Variants in NEMP2 observed in about 807,000 individuals in gnomAD.
NEMP2 encodes the protein UPF0571 transmembrane protein.
A neutral mutation model predicts 54.2 loss-of-function variants in NEMP2; 53 were observed. The ratio of observed to expected loss-of-function variants is 0.98; its 90% CI spans 0.78 to 1.23. The LOEUF is 1.23. Ranked by LOEUF, NEMP2 falls within the 50% of genes most tolerant of loss-of-function variation. The pLI is 0.00. For synonymous variants in NEMP2, 197 were observed against 190.3 expected, an observed-to-expected ratio of 1.04 and a Z score of -0.29; for missense variants, 455 against 511.3, an observed-to-expected ratio of 0.89 and a Z score of 1.06.
At chr2:190,546,240 A>T in the NEMP2 span, among the ~76,000 whole-genome samples, 1 of 152,192 alleles carries the variant, frequency 6.6e-6, no homozygotes, top group South Asian at 2.1e-4. This position sits in a 1 kb window ranked among gnomAD's most constrained non-coding sequence, Gnocchi z 5.1. Context: ...AAAAGAAAAG[A>T]TGGCTGCATC....
chr2:190,457,400 T>C, the NEMP2 span, among the ~76,000 whole-genome samples: 14 of 152,324 alleles, frequency 9.2e-5, no homozygotes, highest in Middle Eastern at 3.4e-3. The surrounding 1 kb of genome is among the most constrained non-coding windows in gnomAD (Gnocchi z 5.1). Flanking sequence ...ACCCCACTTC[T>C]TCCTGTTGGC....
the NEMP2 span, among the ~76,000 whole-genome samples, chr2:190,479,633 G>A: frequency 2.0e-5 from 3 of 152,182 alleles, no homozygotes; most frequent in South Asian, 6.2e-4. Context: ...AAAACTCAGA[G>A]ATGAGTGTTA....
chr2:190,464,441 T>C, the NEMP2 span, among the ~76,000 whole-genome samples: 1 of 152,206 alleles, frequency 6.6e-6, no homozygotes, highest in Non-Finnish European at 1.5e-5. Context: ...GCTCACACCC[T>C]GTGTTGTTTC....
chr2:190,568,771 G>A, the NEMP2 span, among the ~76,000 whole-genome samples: 7 of 152,104 alleles, frequency 4.6e-5, no homozygotes, highest in African/African-American at 1.4e-4. This position sits in a 1 kb window ranked among gnomAD's most constrained non-coding sequence, Gnocchi z 4.7. Flanking sequence ...GCTGTGAGCC[G>A]AGATTGCGCC....
chr2:190,447,571 A>G, the NEMP2 span, among the ~76,000 whole-genome samples: 37 of 152,326 alleles, frequency 2.4e-4, no homozygotes, highest in East Asian at 2.9e-3. This position sits in a 1 kb window ranked among gnomAD's most constrained non-coding sequence, Gnocchi z 4.5. Flanking sequence ...TTGCTTATAT[A>G]CTTCTTAGTG....
upstream of NEMP2, among the ~76,000 whole-genome samples, chr2:190,537,519 T>C (rs1193683604): frequency 6.6e-6 from 1 of 152,204 alleles, no homozygotes; most frequent in East Asian, 1.9e-4. Context: ...CCTTCCACCA[T>C]GATTGTAAGT....
At chr2:190,424,238 T>C in the NEMP2 span, among the ~76,000 whole-genome samples, 8 of 151,196 alleles carry the variant, frequency 5.3e-5, no homozygotes, top group African/African-American at 9.7e-5. This position sits in a 1 kb window ranked among gnomAD's most constrained non-coding sequence, Gnocchi z 5.9. Context: ...TCTTCTTCTT[T>C]TTTTTTTTTT....
chr2:190,539,149 C>T (rs1486426320), upstream of NEMP2, among the ~76,000 whole-genome samples: 2 of 152,156 alleles, frequency 1.3e-5, no homozygotes, highest in Non-Finnish European at 1.5e-5. This position sits in a 1 kb window ranked among gnomAD's most constrained non-coding sequence, Gnocchi z 4.1. Context: ...TAGAGGTTAG[C>T]TTCATCCTTC....
the NEMP2 span, among the ~76,000 whole-genome samples, chr2:190,429,227 C>CGTGTGTGTGT: frequency 6.7e-6 from 1 of 148,812 alleles, no homozygotes; most frequent in Non-Finnish European, 1.5e-5. Context: ...TCTTTTGTTA[C>CGTGTGTGTGT]GTGTGTGTGT....
chr2:190,533,877 C>T lies in NEMP2; in HGVS notation c.97+682G>A. 1 of 705,622 alleles carries T rather than the reference C, an allele frequency of 1.4e-6. No homozygotes were observed. The highest frequency in any genetic ancestry group is 1.7e-6 in the Non-Finnish European group (1 of 574,038). The allele number at this position is 705,622 out of a possible 1,614,324, so 43.7% of individuals were successfully genotyped here. A position where few individuals can be genotyped will look rare whatever the true frequency, so the allele number is the denominator to read the frequency against. On this transcript the variant is annotated intron_variant, in intron 1 of 8. Transcript: ENST00000409150. This position sits in a 1 kb window ranked among gnomAD's most constrained non-coding sequence, Gnocchi z 4.3. ...CTTCCCCAGGTGTCCTTCCCAGATC[C>T]TTCCCCAGTGTGCCAGCATCTTAAG...
the NEMP2 span, among the ~76,000 whole-genome samples, chr2:190,627,600 A>C: frequency 6.6e-6 from 1 of 151,850 alleles, no homozygotes. The surrounding 1 kb of genome is among the most constrained non-coding windows in gnomAD (Gnocchi z 4.4). Flanking sequence ...AGGGAAAAAA[A>C]AAAAAAACCT....
In NEMP2 at chr2:190,506,174, A is replaced by G. The variant is rs370533599; in HGVS notation, c.*3015T>C. 9 of 152,364 alleles carry G rather than the reference A, an allele frequency of 5.9e-5. No individual in the cohort carries two copies. In the East Asian group the frequency reaches 1.3e-3, roughly 23 times the overall value. 9.4% of individuals were successfully genotyped at this position (152,364 alleles called of 1,614,324 possible). On this transcript the variant is annotated 3_prime_UTR_variant, in exon 9 of 9. Coordinates refer to ENST00000409150, the MANE Select transcript of NEMP2 (RefSeq NM_001142645.2). The surrounding 1 kb of genome is among the most constrained non-coding windows in gnomAD (Gnocchi z 6.3). ...TAACAAAAAGCAGGGTTCTAAGTCA[A>G]TAAGGCTAACAGTCACACCCAAATA... is the stretch of plus-strand genomic sequence containing the variant.
In NEMP2 at chr2:190,514,516, A is replaced by G; in HGVS notation, c.890T>C (p.Ile297Thr). ...VAVPQFAYAAIILLMSSWSLH... is the reference protein window; with the variant it reads ...VAVPQFAYAATILLMSSWSLH... ...ACTCCAGGAGGACATGAGGAGGATT[A>G]TGGCTGCATAGGCAAACTGAGGCAC... Residue 297 changes from isoleucine to threonine, a missense_variant, in exon 7 of 9, where the codon ATA becomes ACA. By Grantham distance (89) the Ile-to-Thr change is moderately conservative (BLOSUM62 -1). Around this residue, in one of 3 missense-constraint regions of NEMP2, gnomAD observed 294 missense variants for 333.6 expected, o/e 0.88. Coordinates refer to ENST00000409150, the MANE Select transcript of NEMP2 (RefSeq NM_001142645.2). The surrounding 1 kb of genome is among the most constrained non-coding windows in gnomAD (Gnocchi z 5.7). The G allele has an allele frequency of 6.4e-7, 1 of 1,551,740 alleles. No homozygotes were observed. Among genetic ancestry groups the G allele is most frequent in the Non-Finnish European group, 8.7e-7 (1 of 1,147,010 alleles).
chr2:190,470,319 G>A, the NEMP2 span, among the ~76,000 whole-genome samples: 9 of 152,162 alleles, frequency 5.9e-5, no homozygotes, highest in South Asian at 6.2e-4. Flanking sequence ...TAGCCACACC[G>A]TTGTTTTTCC....
chr2:190,538,782 C>A (rs4468843), upstream of NEMP2, among the ~76,000 whole-genome samples: 18,459 of 152,022 alleles, frequency 0.12, 1,948 homozygotes, highest in African/African-American at 0.28. The surrounding 1 kb of genome is among the most constrained non-coding windows in gnomAD (Gnocchi z 4.1). Context: ...CTATTCAGAT[C>A]TTTTGCTTAT....
chr2:190,599,945 C>A, the NEMP2 span, among the ~76,000 whole-genome samples: 1 of 152,156 alleles, frequency 6.6e-6, no homozygotes, highest in Non-Finnish European at 1.5e-5. Context: ...TCTTCCTGCA[C>A]TGCTGTGAAG....
the NEMP2 span, among the ~76,000 whole-genome samples, chr2:190,430,817 C>G: frequency 6.9e-6 from 1 of 145,254 alleles, no homozygotes; most frequent in Non-Finnish European, 1.5e-5. Context: ...ACCTCCCTCC[C>G]GGACGGGGCG....
the NEMP2 span, among the ~76,000 whole-genome samples, chr2:190,426,458 T>A: frequency 6.6e-6 from 1 of 152,234 alleles, no homozygotes; most frequent in Non-Finnish European, 1.5e-5. The surrounding 1 kb of genome is among the most constrained non-coding windows in gnomAD (Gnocchi z 4.7). Context: ...TAATTGCCTA[T>A]CTAAGCATTT....
At chr2:190,641,993 T>G in the NEMP2 span, among the ~76,000 whole-genome samples, 3 of 152,260 alleles carry the variant, frequency 2.0e-5, no homozygotes, top group Non-Finnish European at 4.4e-5. Context: ...TACTATTCAG[T>G]CAATTAAATG....
Sources: allele counts gnomAD v4.1 joint callset (sites outside exome capture counted in the v4.1 genomes callset), GRCh38; gene constraint gnomAD v4.1.1; regional missense constraint gnomAD v4.1.1; non-coding constraint Gnocchi (gnomAD v3.1); transcripts MANE v1.5; gene names NCBI Gene and HGNC (gene_info 2026-07-23, HGNC 2026-07-21).